DEPDC4: variants seen among roughly 807,000 people sequenced by gnomAD.
DEPDC4 encodes DEP domain-containing protein 4.
DEPDC4 carries 52 observed loss-of-function variants against 52.0 expected under a neutral mutation model. The ratio of observed to expected loss-of-function variants is 1.00; its 90% CI spans 0.80 to 1.26. DEPDC4 has a LOEUF of 1.26. Ranked by LOEUF, DEPDC4 falls within the 50% of genes most tolerant of loss-of-function variation. The probability of loss-of-function intolerance (pLI) is 0.00; values close to 1 mark genes in which losing one functional copy is unlikely to be tolerated. For missense variants in DEPDC4, 530 were observed against 546.9 expected, an observed-to-expected ratio of 0.97 and a Z score of 0.31; for synonymous variants, 201 against 196.8, an observed-to-expected ratio of 1.02 and a Z score of -0.18.
At chr12:100,280,852 T>C in the DEPDC4 span, among the ~76,000 whole-genome samples, 1 of 152,032 alleles carries the variant, frequency 6.6e-6, no homozygotes, top group Non-Finnish European at 1.5e-5. Context: ...TTAGGATAAA[T>C]ATTCAACCTG....
chr12:100,279,319 T>A, the DEPDC4 span, among the ~76,000 whole-genome samples: 1 of 152,246 alleles, frequency 6.6e-6, no homozygotes, highest in African/African-American at 2.4e-5. Context: ...GCCACCTATC[T>A]GAGAGGAGGC....
At chr12:100,234,186 T>A (rs1171672876) in intron 9 of DEPDC4, among the ~76,000 whole-genome samples, 1 of 152,160 alleles carries the variant, frequency 6.6e-6, no homozygotes, top group Non-Finnish European at 1.5e-5. Flanking sequence ...CAATGATACT[T>A]GTTAAAAGAT....
intron 9 of DEPDC4, among the ~76,000 whole-genome samples, chr12:100,234,374 A>G (rs990854062): frequency 3.3e-5 from 5 of 152,168 alleles, no homozygotes; most frequent in African/African-American, 1.2e-4. Context: ...CCTCAAGGGT[A>G]AGGGAGATTC....
intron 4 of DEPDC4, among the ~76,000 whole-genome samples, chr12:100,255,659 T>C (rs372823981): frequency 1.3e-5 from 2 of 152,224 alleles, no homozygotes; most frequent in Non-Finnish European, 2.9e-5. Flanking sequence ...ATAGGGCTTA[T>C]CTTTCAGACT....
intron 4 of DEPDC4, among the ~76,000 whole-genome samples, chr12:100,255,625 T>C (rs1236960598): frequency 6.6e-6 from 1 of 152,210 alleles, no homozygotes; most frequent in African/African-American, 2.4e-5. Context: ...TAATCTCTTA[T>C]CTACAAATTA....
At chr12:100,261,116 G>C (rs1232581850) in intron 3 of DEPDC4, among the ~76,000 whole-genome samples, 1 of 151,842 alleles carries the variant, frequency 6.6e-6, no homozygotes, top group Non-Finnish European at 1.5e-5. Flanking sequence ...GGGAGGCAGA[G>C]GTTGGAGTGA....
intron 2 of DEPDC4, among the ~76,000 whole-genome samples, chr12:100,262,618 T>C (rs1010905313): frequency 6.6e-6 from 1 of 152,200 alleles, no homozygotes; most frequent in Non-Finnish European, 1.5e-5. Context: ...AAGAAAAGCA[T>C]ATATGCTAAT....
the DEPDC4 span, among the ~76,000 whole-genome samples, chr12:100,276,052 A>C: frequency 6.6e-6 from 1 of 152,210 alleles, no homozygotes; most frequent in African/African-American, 2.4e-5. Context: ...GTGATGTTCT[A>C]ATATCTTAAG....
chr12:100,281,255 G>A, the DEPDC4 span, among the ~76,000 whole-genome samples: 11 of 151,838 alleles, frequency 7.2e-5, no homozygotes, highest in African/African-American at 9.7e-5. Flanking sequence ...TCTTGAACTC[G>A]TGAGCTCAAG....
chr12:100,252,573 T>C, intron 5 of DEPDC4, 37 bp from the exon 6 acceptor site: 17 of 1,552,614 alleles, frequency 1.1e-5, no homozygotes, highest in Non-Finnish European at 1.5e-5. Context: ...AAGCATAAGA[T>C]GAAAAATGGA....
At chr12:100,257,311 C>A (rs2096237745) in intron 3 of DEPDC4, among the ~76,000 whole-genome samples, 1 of 151,990 alleles carries the variant, frequency 6.6e-6, no homozygotes, top group Admixed American at 6.5e-5. Flanking sequence ...CTTCTGACCT[C>A]AAGTGATCCA....
upstream of DEPDC4, chr12:100,267,370 C>G: frequency 3.3e-6 from 1 of 301,820 alleles, no homozygotes; most frequent in South Asian, 6.3e-5. Context: ...AGAGCCCCAG[C>G]ACCGCCCCTC....
chr12:100,247,949 T>A (rs530296197), intron 8 of DEPDC4, among the ~76,000 whole-genome samples: 1 of 152,262 alleles, frequency 6.6e-6, no homozygotes, highest in African/African-American at 2.4e-5. Flanking sequence ...AAATCACCGA[T>A]CTTTCTAGTT....
At chr12:100,250,839 C>T (rs2096204688) in intron 7 of DEPDC4, among the ~76,000 whole-genome samples, 1 of 152,054 alleles carries the variant, frequency 6.6e-6, no homozygotes, top group Admixed American at 6.5e-5. Context: ...ATAACCTGGG[C>T]CCTTACTACC....
At chr12:100,238,361 T>C (rs962157451), downstream of DEPDC4, among the ~76,000 whole-genome samples, 1 of 152,058 alleles carries the variant, frequency 6.6e-6, no homozygotes, top group Non-Finnish European at 1.5e-5. Context: ...GGTTTCACCA[T>C]GTTGGCCAGG....
Position 100,266,901 on chromosome 12 carries a change from C to T in DEPDC4, c.157+19G>A, listed in dbSNP as rs553358866. On this transcript the variant is annotated intron_variant, in intron 1 of 9. Coordinates refer to ENST00000550587, the MANE Select transcript of DEPDC4 (RefSeq NM_001364818.2). ...CCCTCCACCTTCACTGCACATTTGG[C>T]TAGGATATACAGGGCTACCTGTCCT... is the stretch of plus-strand genomic sequence containing the variant. 1.9e-6 allele frequency: 3 copies of T among 1,608,114 alleles called. No homozygotes were observed. The South Asian group carries it at 3.3e-5, about 18-fold the overall frequency.
rs2096261764 is a variant in DEPDC4 at position 100,263,636 on chromosome 12, T to C, written c.415A>G (p.Lys139Glu). 6.2e-7 allele frequency: 1 copy of C among 1,614,040 alleles called. No individual in the cohort carries two copies. Among genetic ancestry groups the C allele is most frequent in the African/African-American group, 1.3e-5 (1 of 74,940 alleles). Residue 139 changes from lysine to glutamate, a missense_variant, in exon 2 of 10, where the codon AAG (lysine) becomes GAG (glutamate). Transcript: ENST00000550587. Reference sequence around the variant, plus strand: ...TCCTTTTCTTTTTTGAAAAGCTTCTTCATTCCTACTGGTTCAAATACTTTG... The same window carrying C: ...TCCTTTTCTTTTTTGAAAAGCTTCTCCATTCCTACTGGTTCAAATACTTTG... ...NHKVFEPVGM[K>E]KLFKKEKELE...
intron 4 of DEPDC4, 74 bp downstream of exon 4, chr12:100,255,975 A>G: frequency 9.0e-7 from 1 of 1,107,826 alleles, no homozygotes; most frequent in Non-Finnish European, 1.3e-6. Context: ...ATTTTCTCAC[A>G]TCCTAAAATA....
intron 3 of DEPDC4, among the ~76,000 whole-genome samples, chr12:100,260,437 T>C (rs989893064): frequency 3.3e-5 from 5 of 151,646 alleles, no homozygotes; most frequent in African/African-American, 9.7e-5. Flanking sequence ...TGATAAATCA[T>C]ATCCACTTTT....
Sources: gnomAD v4.1 joint callset for allele counts (sites outside exome capture counted in the v4.1 genomes callset) on GRCh38, gnomAD v4.1.1 for gene constraint, MANE v1.5 for transcripts, NCBI Gene and HGNC (gene_info 2026-07-23, HGNC 2026-07-21) for gene names.